The following XPNPEP3 variants were observed in gnomAD, a reference collection of about 807,000 sequenced individuals.
The protein encoded by XPNPEP3 is xaa-Pro aminopeptidase 3.
A neutral mutation model predicts 60.0 loss-of-function variants in XPNPEP3; 41 were observed. That is an observed-to-expected ratio of 0.68 (90% CI 0.53 to 0.89). The LOEUF is 0.89. Among genes scored for constraint, XPNPEP3 ranks in the 40% least tolerant of loss-of-function variants. The pLI is 0.00. For synonymous variants in XPNPEP3, 212 were observed against 223.2 expected (o/e 0.95, Z 0.45); for missense variants, 598 against 638.9 (o/e 0.94, Z 0.69).
intron 1 of XPNPEP3, among the ~76,000 whole-genome samples, chr22:40,865,526 C>T (rs2057974101): frequency 1.3e-5 from 2 of 151,900 alleles, no homozygotes; most frequent in Non-Finnish European, 1.5e-5. Context: ...CAGGGTTTCT[C>T]CATGTTGGTC....
At chr22:40,884,589 C>T (rs922133733) in intron 3 of XPNPEP3, among the ~76,000 whole-genome samples, 4 of 151,770 alleles carry the variant, frequency 2.6e-5, no homozygotes, top group African/African-American at 9.7e-5. Flanking sequence ...CCCCCTCAGC[C>T]TCCCAGGGTG....
At chr22:40,892,322 C>G (rs1408297685) in intron 4 of XPNPEP3, among the ~76,000 whole-genome samples, 1 of 152,064 alleles carries the variant, frequency 6.6e-6, no homozygotes, top group African/African-American at 2.4e-5. Flanking sequence ...ATAGCTGGGA[C>G]TACAGGCGTG....
At position 40,931,874 on chromosome 22, in the gene XPNPEP3, T is replaced by G. The variant is rs114897404; in HGVS notation, c.*5439T>G. ...TTGTAAGGTGAGAAAGGGAAAAACC[T>G]TCACCGTAGAAATACTGTCTTGAGA... On this transcript the variant is annotated 3_prime_UTR_variant, in exon 10 of 10. Transcript: ENST00000357137. 1.0e-3 allele frequency: 158 copies of G among 152,270 alleles called. No individual in the cohort carries two copies. Among genetic ancestry groups the G allele is most frequent in the African/African-American group, 3.6e-3 (151 of 41,550 alleles). 9.4% of individuals were successfully genotyped at this position (152,270 alleles called of 1,614,324 possible).
chr22:40,928,301 G>C lies in XPNPEP3; in HGVS notation c.*1866G>C, dbSNP rs1240318779. 1 of 151,400 alleles carries C rather than the reference G, an allele frequency of 6.6e-6. No homozygotes were observed. The highest frequency in any genetic ancestry group is 2.4e-5 in the African/African-American group (1 of 41,168). 9.4% of individuals were successfully genotyped at this position (151,400 alleles called of 1,614,324 possible). ...AGCTCACTACAACCTCCACCACCTG[G>C]GTTCAGGCAATTCTCCTGCCTCAGC... is the stretch of plus-strand genomic sequence containing the variant. On this transcript the variant is annotated 3_prime_UTR_variant, in exon 10 of 10. Coordinates refer to ENST00000357137, the MANE Select transcript of XPNPEP3 (RefSeq NM_022098.4).
At chr22:40,888,841 C>T (rs1366049106) in intron 4 of XPNPEP3, among the ~76,000 whole-genome samples, 3 of 152,082 alleles carry the variant, frequency 2.0e-5, no homozygotes, top group Non-Finnish European at 4.4e-5. Context: ...ACTAGCAACG[C>T]ACCAAGGGTT....
At chr22:40,885,897 G>A (rs894673711) in intron 3 of XPNPEP3, among the ~76,000 whole-genome samples, 1 of 152,098 alleles carries the variant, frequency 6.6e-6, no homozygotes, top group Non-Finnish European at 1.5e-5. Context: ...CAGAAGAATC[G>A]TTTGAACCTG....
intron 3 of XPNPEP3, 84 bp from the exon 4 acceptor site, chr22:40,886,227 ACT>A: frequency 7.4e-7 from 1 of 1,358,238 alleles, no homozygotes; most frequent in East Asian, 2.3e-5. Flanking sequence ...TATAGTTTTG[ACT>A]CTTGTTCAAG....
Position 40,861,553 on chromosome 22 carries a change from C to G in XPNPEP3, c.64+4308C>G, listed in dbSNP as rs532420156. ...CCTGTATCATATGAAGAAAATTTCT[C>G]AAAAATTGGATATTCACTGGCAGTG... On this transcript the variant is annotated intron_variant, in intron 1 of 9. Coordinates refer to ENST00000357137, the MANE Select transcript of XPNPEP3 (RefSeq NM_022098.4). The G allele has an allele frequency of 4.3e-6, 7 of 1,613,152 alleles. No individual in the cohort carries two copies. In the African/African-American group the frequency reaches 8.0e-5, roughly 18 times the overall value.
intron 5 of XPNPEP3, among the ~76,000 whole-genome samples, chr22:40,908,421 G>A (rs980514691): frequency 1.3e-5 from 2 of 152,152 alleles, no homozygotes; most frequent in Non-Finnish European, 2.9e-5. Flanking sequence ...TGGAGGTTGA[G>A]GTGGGTGGAT....
chr22:40,899,891 C>G (rs1314835597), intron 4 of XPNPEP3, among the ~76,000 whole-genome samples: 1 of 151,276 alleles, frequency 6.6e-6, no homozygotes, highest in Non-Finnish European at 1.5e-5. Context: ...ACTTAATTAG[C>G]CAGGTGTGGT....
chr22:40,889,102 C>T (rs758478420), intron 4 of XPNPEP3, among the ~76,000 whole-genome samples: 2 of 151,974 alleles, frequency 1.3e-5, no homozygotes, highest in Non-Finnish European at 2.9e-5. Flanking sequence ...GAGATCATAG[C>T]TTACTGCAAC....
intron 2 of XPNPEP3, among the ~76,000 whole-genome samples, chr22:40,871,845 C>A (rs187170666): frequency 2.0e-5 from 3 of 152,166 alleles, no homozygotes; most frequent in African/African-American, 7.2e-5. Flanking sequence ...CCAGCCTGGC[C>A]AACATAGTGA....
chr22:40,910,827 A>C (rs2058174317), intron 6 of XPNPEP3, among the ~76,000 whole-genome samples: 1 of 152,094 alleles, frequency 6.6e-6, no homozygotes. Flanking sequence ...AACATGGTGA[A>C]ACCCCGTCTC....
chr22:40,891,056 G>C (rs890867471), intron 4 of XPNPEP3, among the ~76,000 whole-genome samples: 1 of 150,424 alleles, frequency 6.6e-6, no homozygotes, highest in African/African-American at 2.4e-5. Context: ...AAAGTTACAT[G>C]ATTTGGCCAG....
intron 3 of XPNPEP3, among the ~76,000 whole-genome samples, chr22:40,883,545 A>G (rs1197208338): frequency 1.3e-5 from 2 of 151,890 alleles, no homozygotes; most frequent in African/African-American, 2.4e-5. Context: ...ATTTTTTTGT[A>G]GAGATGGAGT....
chr22:40,861,364 T>C, intron 1 of XPNPEP3: 1 of 1,614,052 alleles, frequency 6.2e-7, no homozygotes, highest in Non-Finnish European at 8.5e-7. Context: ...TCAGCTTCTC[T>C]TTCTTGATCA....
Position 40,926,377 on chromosome 22 carries a change from C to G in XPNPEP3, c.1466C>G (p.Ser489Cys). ...ACTCAGGACTCACCTCTCATCCTTT[C>G]TGCAGACTGTCCCAAAGAGATGAAT... ...VVTQDSPLIL[S>C]ADCPKEMNDI... The change falls in exon 10 of 10, where the codon TCT becomes TGT. Residue 489 changes from serine to cysteine, a missense_variant. Ser to Cys is a moderately radical substitution (Grantham distance 112). Transcript: ENST00000357137. The G allele has an allele frequency of 3.1e-6, 5 of 1,614,128 alleles. No homozygotes were observed. Among genetic ancestry groups the G allele is most frequent in the Non-Finnish European group, 1.7e-6 (2 of 1,180,030 alleles).
At chr22:40,860,094 T>C (rs1481518353) in intron 1 of XPNPEP3, 1 of 152,164 alleles carries the variant, frequency 6.6e-6, no homozygotes. Context: ...TTCTATAGTT[T>C]TTCTTTAGAG....
intron 2 of XPNPEP3, among the ~76,000 whole-genome samples, chr22:40,877,340 T>A (rs1377137050): frequency 1.3e-5 from 2 of 152,242 alleles, no homozygotes; most frequent in Non-Finnish European, 1.5e-5. Flanking sequence ...TAAGCAGACT[T>A]CTTTTCAAAA....
Sources: allele counts gnomAD v4.1 joint callset (sites outside exome capture counted in the v4.1 genomes callset), GRCh38; gene constraint gnomAD v4.1.1; transcripts MANE v1.5; gene names NCBI Gene and HGNC (gene_info 2026-07-23, HGNC 2026-07-21).